NRXN1: variants seen among roughly 807,000 people sequenced by gnomAD.
NRXN1 encodes neurexin-1.
NRXN1 carries 39 observed loss-of-function variants against 150.9 expected under a neutral mutation model. The observed-to-expected ratio is 0.26, with a 90% CI of 0.20 to 0.34. NRXN1 has a LOEUF of 0.34. Among genes scored for constraint, NRXN1 ranks in the 10% least tolerant of loss-of-function variants. NRXN1 has a pLI of 1.00. For synonymous variants in NRXN1, 924 were observed against 757.0 expected, an observed-to-expected ratio of 1.22 and a Z score of -3.62; for missense variants, 1,815 against 1,949.9, an observed-to-expected ratio of 0.93 and a Z score of 1.30.
At chr2:50,173,772 G>A (rs1455025537) in intron 18 of NRXN1, among the ~76,000 whole-genome samples, 1 of 151,990 alleles carries the variant, frequency 6.6e-6, no homozygotes, top group African/African-American at 2.4e-5. Flanking sequence ...GAAGGGCGTG[G>A]CTTTAAAAAT....
intron 5 of NRXN1, among the ~76,000 whole-genome samples, chr2:50,779,507 G>A (rs1240371576): frequency 6.6e-6 from 1 of 152,134 alleles, no homozygotes; most frequent in Non-Finnish European, 1.5e-5. Flanking sequence ...GGTGGCTCAC[G>A]CCTGTAATCC....
chr2:50,277,699 G>A (rs775008162), intron 17 of NRXN1, among the ~76,000 whole-genome samples: 15 of 151,904 alleles, frequency 9.9e-5, no homozygotes, highest in Non-Finnish European at 2.1e-4. Flanking sequence ...GGACTGCTTT[G>A]GTAGCACACC....
intron 21 of NRXN1, among the ~76,000 whole-genome samples, chr2:49,948,064 T>G (rs1348361265): frequency 6.6e-6 from 1 of 152,108 alleles, no homozygotes; most frequent in Non-Finnish European, 1.5e-5. Context: ...TACATTGGTA[T>G]TTTGTTGAAC....
At chr2:50,628,603 A>G (rs1681634137) in intron 5 of NRXN1, among the ~76,000 whole-genome samples, 1 of 151,798 alleles carries the variant, frequency 6.6e-6, no homozygotes, top group South Asian at 2.1e-4. Context: ...TATTCTATAA[A>G]CAAATACTAA....
intron 15 of NRXN1, among the ~76,000 whole-genome samples, chr2:50,475,343 C>T (rs2089902046): frequency 6.6e-6 from 1 of 152,070 alleles, no homozygotes; most frequent in South Asian, 2.1e-4. Flanking sequence ...ACGGTTGGCC[C>T]TCAATAAATA....
At chr2:50,160,291 A>G (rs2059283812) in intron 18 of NRXN1, among the ~76,000 whole-genome samples, 1 of 152,112 alleles carries the variant, frequency 6.6e-6, no homozygotes, top group Admixed American at 6.6e-5. Flanking sequence ...CTGTAATCCC[A>G]GCACTTTGGG....
chr2:50,923,795 A>G (rs1177746636), intron 3 of NRXN1, among the ~76,000 whole-genome samples: 1 of 151,816 alleles, frequency 6.6e-6, no homozygotes, highest in African/African-American at 2.4e-5. Context: ...AACATTACAC[A>G]TTGGTTTCAT....
At chr2:50,456,471 C>A (rs1054751909) in intron 17 of NRXN1, among the ~76,000 whole-genome samples, 8 of 152,038 alleles carry the variant, frequency 5.3e-5, no homozygotes, top group Admixed American at 5.3e-4. Context: ...TAGAGAAGGC[C>A]ATAATTCCTC....
At chr2:50,778,321 T>C (rs1330543981) in intron 5 of NRXN1, among the ~76,000 whole-genome samples, 4 of 152,214 alleles carry the variant, frequency 2.6e-5, no homozygotes, top group Non-Finnish European at 4.4e-5. Flanking sequence ...GGAAATACTT[T>C]ATTCCTTTAA....
At chr2:50,382,731 G>T (rs548814692) in intron 17 of NRXN1, among the ~76,000 whole-genome samples, 1 of 152,262 alleles carries the variant, frequency 6.6e-6, no homozygotes, top group East Asian at 1.9e-4. Flanking sequence ...GGGCAGACCA[G>T]TTCTGATTCA....
chr2:50,912,561 T>A (rs367895430), intron 5 of NRXN1, among the ~76,000 whole-genome samples: 5 of 151,904 alleles, frequency 3.3e-5, no homozygotes, highest in African/African-American at 1.2e-4. Flanking sequence ...TATGTTTTAA[T>A]GTGAGTGAAA....
intron 8 of NRXN1, among the ~76,000 whole-genome samples, chr2:50,579,881 G>T (rs1573629700): frequency 1.3e-5 from 2 of 152,200 alleles, no homozygotes; most frequent in South Asian, 2.1e-4. Flanking sequence ...ACATAAGAAA[G>T]ATGGCAATGT....
intron 6 of NRXN1, among the ~76,000 whole-genome samples, chr2:50,621,544 A>G (rs542563455): frequency 1.3e-5 from 2 of 152,282 alleles, no homozygotes; most frequent in East Asian, 3.9e-4. Flanking sequence ...CAGACACATG[A>G]CAATGTTCCC....
chr2:50,287,748 A>T (rs1401596645), intron 17 of NRXN1, among the ~76,000 whole-genome samples: 1 of 152,204 alleles, frequency 6.6e-6, no homozygotes, highest in Non-Finnish European at 1.5e-5. Context: ...GATGAAAATA[A>T]GTGTTAGTTG....
chr2:50,197,492 G>T (rs1374407951), intron 18 of NRXN1, among the ~76,000 whole-genome samples: 1 of 152,056 alleles, frequency 6.6e-6, no homozygotes, highest in Non-Finnish European at 1.5e-5. Flanking sequence ...TGACGTTTTT[G>T]ATGTCTACGT....
rs1674952602 is a variant in NRXN1, at chr2:50,854,344, T to C, written c.832+67525A>G. Among the ~76,000 whole-genome samples the C allele has an allele frequency of 2.0e-5, 3 of 152,050 alleles. No homozygotes were observed. In the South Asian group the frequency reaches 6.2e-4, roughly 31 times the overall value. The stretch of plus-strand genomic sequence containing the variant: ...TCTTCCTGTAAGATCTGTTCCAATA[T>C]CTAAGCATATCCAAATGCTAAAATC... On this transcript the variant is annotated intron_variant, in intron 5 of 22. Coordinates refer to ENST00000401669, the MANE Select transcript of NRXN1 (RefSeq NM_001330078.2).
At chr2:49,942,186 T>C (rs985345197) in intron 22 of NRXN1, among the ~76,000 whole-genome samples, 1 of 152,050 alleles carries the variant, frequency 6.6e-6, no homozygotes, top group Admixed American at 6.6e-5. Context: ...TTGTGAATGA[T>C]AGATGTTTCT....
intron 17 of NRXN1, chr2:50,312,831 C>T: frequency 2.1e-6 from 1 of 481,586 alleles, no homozygotes; most frequent in South Asian, 1.5e-5. Context: ...AACCACCCTC[C>T]ATTTCCTGAT....
chr2:50,142,355 A>G (rs1707394899), intron 18 of NRXN1, among the ~76,000 whole-genome samples: 2 of 151,852 alleles, frequency 1.3e-5, no homozygotes, highest in South Asian at 4.1e-4. Context: ...GGGGGTATAA[A>G]CATACAGTTA....
Sources: gnomAD v4.1 joint callset for allele counts (sites outside exome capture counted in the v4.1 genomes callset) on GRCh38, gnomAD v4.1.1 for gene constraint, MANE v1.5 for transcripts, NCBI Gene and HGNC (gene_info 2026-07-23, HGNC 2026-07-21) for gene names.